KIF16B: variants seen among roughly 807,000 people sequenced by gnomAD.
KIF16B encodes the protein kinesin-like protein KIF16B.
KIF16B carries 98 observed loss-of-function variants against 156.3 expected under a neutral mutation model. The ratio of observed to expected loss-of-function variants is 0.63; its 90% CI spans 0.53 to 0.74. KIF16B has a LOEUF of 0.74. Among genes scored for constraint, KIF16B ranks in the 30% least tolerant of loss-of-function variants. The probability of loss-of-function intolerance (pLI) is 0.00; values close to 1 mark genes in which losing one functional copy is unlikely to be tolerated. For synonymous variants in KIF16B, 564 were observed against 583.7 expected (o/e 0.97, Z 0.49); for missense variants, 1,421 against 1,606.5 (o/e 0.88, Z 1.97).
chr20:16,426,777 A>G (rs1286689297), intron 15 of KIF16B, among the ~76,000 whole-genome samples: 1 of 152,154 alleles, frequency 6.6e-6, no homozygotes, highest in African/African-American at 2.4e-5. Flanking sequence ...TAATAGAAAT[A>G]AAATTATTAA....
At chr20:16,536,028 A>T (rs2069946688) in intron 1 of KIF16B, among the ~76,000 whole-genome samples, 1 of 152,182 alleles carries the variant, frequency 6.6e-6, no homozygotes, top group African/African-American at 2.4e-5. Flanking sequence ...TCAAAGGGAA[A>T]CCTGCACTCC....
chr20:16,409,754 G>A (rs1262657131), intron 15 of KIF16B, among the ~76,000 whole-genome samples: 3 of 151,542 alleles, frequency 2.0e-5, no homozygotes, highest in Non-Finnish European at 4.4e-5. Flanking sequence ...GTTCTGGAAT[G>A]CATCACTAGT....
chr20:16,304,570 G>GA (rs1228921809), intron 25 of KIF16B, among the ~76,000 whole-genome samples: 3 of 151,456 alleles, frequency 2.0e-5, no homozygotes, highest in Non-Finnish European at 2.9e-5. Flanking sequence ...ATAACCAGAA[G>GA]AAAAAAAATA....
At chr20:16,290,505 G>C (rs1481531200) in intron 25 of KIF16B, among the ~76,000 whole-genome samples, 2 of 152,162 alleles carry the variant, frequency 1.3e-5, no homozygotes, top group Non-Finnish European at 2.9e-5. Context: ...AGGGCAAGAG[G>C]GTAAGCTTTT....
At chr20:16,557,761 T>G (rs543518627) in intron 1 of KIF16B, among the ~76,000 whole-genome samples, 2 of 152,198 alleles carry the variant, frequency 1.3e-5, no homozygotes, top group Admixed American at 6.5e-5. Flanking sequence ...CTGTTTGGCC[T>G]GCATGGTTTC....
At chr20:16,430,849 GTATA>G (rs150403788) in intron 12 of KIF16B, among the ~76,000 whole-genome samples, 1 of 147,190 alleles carries the variant, frequency 6.8e-6, no homozygotes, top group South Asian at 2.2e-4. Flanking sequence ...GTGTGTGTAT[GTATA>G]TATATATATA....
chr20:16,381,638 T>G, intron 18 of KIF16B, 56 bp downstream of exon 18: 2 of 1,363,262 alleles, frequency 1.5e-6, no homozygotes, highest in Non-Finnish European at 1.0e-6. Flanking sequence ...GTCCAGGATA[T>G]TAACACAGGA....
At chr20:16,478,317 T>C (rs747646829) in intron 12 of KIF16B, among the ~76,000 whole-genome samples, 1 of 152,120 alleles carries the variant, frequency 6.6e-6, no homozygotes, top group Non-Finnish European at 1.5e-5. Flanking sequence ...ACAGTGAATG[T>C]CATGAGGATG....
chr20:16,425,411 CA>C (rs1264028743), intron 15 of KIF16B, among the ~76,000 whole-genome samples: 3 of 151,942 alleles, frequency 2.0e-5, no homozygotes, highest in African/African-American at 7.2e-5. Context: ...AATGAAAATC[CA>C]ATTAATAAGT....
At chr20:16,424,934 T>C (rs1169292753) in intron 15 of KIF16B, among the ~76,000 whole-genome samples, 2 of 152,172 alleles carry the variant, frequency 1.3e-5, no homozygotes, top group Non-Finnish European at 2.9e-5. Context: ...TGTATTGGTA[T>C]AAACTCCTTG....
At chr20:16,467,384 A>G (rs2067522397) in intron 12 of KIF16B, among the ~76,000 whole-genome samples, 1 of 152,200 alleles carries the variant, frequency 6.6e-6, no homozygotes, top group South Asian at 2.1e-4. Flanking sequence ...TTGCCCAAAC[A>G]CTTACAAGGC....
chr20:16,551,132 C>CTTCTTT lies in KIF16B; in HGVS notation c.47+22096_47+22097insAAAGAA, dbSNP rs55770608. Among the ~76,000 whole-genome samples the CTTCTTT allele has an allele frequency of 6.4e-4, 89 of 139,116 alleles. 3 individuals carry two copies. In the South Asian group the frequency reaches 0.013, roughly 20 times the overall value. The allele number at this position is 139,116 out of a possible 152,430, so 91.3% of individuals were successfully genotyped here. A position where few individuals can be genotyped will look rare whatever the true frequency, so the allele number is the denominator to read the frequency against. Reference sequence around the variant, plus strand: ...AACCACCAGTGAGGGGCTTTCTCTTCTTTTTTTTTTTTTTTTGAGATGCAG... The same window carrying CTTCTTT: ...AACCACCAGTGAGGGGCTTTCTCTTCTTCTTTTTTTTTTTTTTTTTTTGAGATGCAG... On this transcript the variant is annotated intron_variant, in intron 1 of 25. Transcript: ENST00000354981.
At chr20:16,396,099 C>T (rs2065493341) in intron 17 of KIF16B, among the ~76,000 whole-genome samples, 1 of 152,122 alleles carries the variant, frequency 6.6e-6, no homozygotes, top group South Asian at 2.1e-4. Flanking sequence ...AAATGCCTAC[C>T]ACTAGACGTT....
chr20:16,407,830 A>C (rs80044511), intron 15 of KIF16B, among the ~76,000 whole-genome samples: 2,662 of 152,244 alleles, frequency 0.017, 84 homozygotes, highest in African/African-American at 0.061. Context: ...TGTTTCAAAA[A>C]CAAAATCTTT....
chr20:16,366,394 A>G (rs1253567449), intron 22 of KIF16B, among the ~76,000 whole-genome samples: 2 of 152,226 alleles, frequency 1.3e-5, no homozygotes, highest in Non-Finnish European at 2.9e-5. Context: ...TCTGAGATAA[A>G]GAGACTTACA....
chr20:16,378,016 G>A (rs2064995127), intron 19 of KIF16B, among the ~76,000 whole-genome samples: 1 of 152,120 alleles, frequency 6.6e-6, no homozygotes, highest in Non-Finnish European at 1.5e-5. Flanking sequence ...TTTGTTTGTT[G>A]GTTCGGTTGA....
chr20:16,337,324 C>T (rs1005553471), intron 23 of KIF16B, among the ~76,000 whole-genome samples: 3 of 152,120 alleles, frequency 2.0e-5, no homozygotes, highest in Non-Finnish European at 1.5e-5. Context: ...AGAGAGAAGA[C>T]ACAGGTGGGC....
intron 12 of KIF16B, among the ~76,000 whole-genome samples, chr20:16,481,804 G>T (rs994546372): frequency 1.3e-5 from 2 of 152,144 alleles, no homozygotes; most frequent in African/African-American, 4.8e-5. Context: ...GCTGGTTTTA[G>T]CTGGAAAAGT....
chr20:16,468,419 C>T, intron 12 of KIF16B, among the ~76,000 whole-genome samples: 1 of 150,992 alleles, frequency 6.6e-6, no homozygotes, highest in Non-Finnish European at 1.5e-5. Context: ...CACAAATACA[C>T]AAAAAAATTA....
Sources: gnomAD v4.1 joint callset for allele counts (sites outside exome capture counted in the v4.1 genomes callset) on GRCh38, gnomAD v4.1.1 for gene constraint, MANE v1.5 for transcripts, NCBI Gene and HGNC (gene_info 2026-07-23, HGNC 2026-07-21) for gene names.